Variants in CEMIP observed in about 807,000 individuals in gnomAD.
CEMIP encodes cell migration-inducing and hyaluronan-binding protein.
CEMIP carries 105 observed loss-of-function variants against 156.9 expected under a neutral mutation model. That is an observed-to-expected ratio of 0.67 (90% CI 0.57 to 0.79). CEMIP has a LOEUF of 0.79. Ranked by LOEUF, CEMIP falls within the 30% of genes least tolerant of loss-of-function variation. The pLI, the probability that CEMIP is intolerant of heterozygous loss-of-function variation, is 0.00. For synonymous variants in CEMIP, 676 were observed against 668.4 expected (o/e 1.01, Z -0.17); for missense variants, 1,457 against 1,769.4 (o/e 0.82, Z 3.17).
intron 14 of CEMIP, among the ~76,000 whole-genome samples, chr15:80,910,288 C>T (rs1342520141): frequency 6.6e-6 from 1 of 152,228 alleles, no homozygotes; most frequent in African/African-American, 2.4e-5. Flanking sequence ...AGAGTCAAGG[C>T]TGCCTCCCCT....
chr15:80,877,851 A>G (rs1386063923), intron 3 of CEMIP, among the ~76,000 whole-genome samples: 2 of 152,256 alleles, frequency 1.3e-5, no homozygotes, highest in Non-Finnish European at 2.9e-5. Flanking sequence ...TGGAAAATAT[A>G]GAATAGGAAA....
Position 80,937,801 on chromosome 15 carries a change from T to G in CEMIP, c.3229T>G (p.Trp1077Gly). 1 of 1,614,234 alleles carries G rather than the reference T, an allele frequency of 6.2e-7. No homozygotes were observed. The highest frequency in any genetic ancestry group is 2.2e-5 in the East Asian group (1 of 44,888). Residue 1077 changes from tryptophan to glycine, a missense_variant, in exon 25 of 30, where the codon TGG (tryptophan) becomes GGG (glycine). Around this residue, in one of 5 missense-constraint regions of CEMIP, gnomAD observed 798 missense variants for 980.1 expected, o/e 0.81. Coordinates refer to ENST00000394685, the MANE Select transcript of CEMIP (RefSeq NM_001293298.2). ...IWLINFNKGD[W>G]IRVGLCYPRG... ...CTCTACTTCCAATCCTAGGGGCGAC[T>G]GGATCCGAGTGGGGCTCTGCTACCC...
rs985273332 is a variant in CEMIP, at chr15:80,942,794, G to GCTA, written c.3700-149_3700-147dup. The GCTA allele has an allele frequency of 7.1e-5, 64 of 902,288 alleles. No homozygotes were observed. The African/African-American group carries it at 1.0e-3, about 14-fold the overall frequency. The allele number at this position is 902,288 out of a possible 1,614,324, so 55.9% of individuals were successfully genotyped here. ...GCCACTATTTGACCCACTACTGAGGGCTACGAGGAGTTAAGTGGATAATGG... is the reference window on the plus strand; with the variant it reads ...GCCACTATTTGACCCACTACTGAGGGCTACTACGAGGAGTTAAGTGGATAATGG... On this transcript the variant is annotated intron_variant, in intron 27 of 29. Coordinates refer to ENST00000394685, the MANE Select transcript of CEMIP (RefSeq NM_001293298.2).
intron 14 of CEMIP, among the ~76,000 whole-genome samples, chr15:80,910,068 G>A (rs868232483): frequency 1.3e-5 from 2 of 152,344 alleles, no homozygotes; most frequent in Middle Eastern, 3.4e-3. Context: ...AAAACCGGAT[G>A]TCACAGAATG....
At chr15:80,905,541 G>A (rs1338984695) in intron 12 of CEMIP, among the ~76,000 whole-genome samples, 1 of 152,208 alleles carries the variant, frequency 6.6e-6, no homozygotes, top group African/African-American at 2.4e-5. Flanking sequence ...TTTGGCAAGA[G>A]ATTGAGTGGA....
chr15:80,890,253 T>C (rs12900140), intron 10 of CEMIP, among the ~76,000 whole-genome samples: 46,088 of 151,876 alleles, frequency 0.3, 8,665 homozygotes, highest in Non-Finnish European at 0.44. Flanking sequence ...CAAGACAAGA[T>C]TTGAGGCTGC....
At chr15:80,900,585 G>GGGGGT (rs1218716074) in intron 12 of CEMIP, among the ~76,000 whole-genome samples, 1 of 74,932 alleles carries the variant, frequency 1.3e-5, no homozygotes, top group Non-Finnish European at 2.5e-5. Context: ...CCCAGGTAGG[G>GGGGGT]GTGTGTGTGT....
At chr15:80,817,987 GTATGA>G (rs1036701943) in intron 1 of CEMIP, among the ~76,000 whole-genome samples, 1 of 152,100 alleles carries the variant, frequency 6.6e-6, no homozygotes, top group African/African-American at 2.4e-5. Context: ...CATCTTATTT[GTATGA>G]TGTAGATAAT....
intron 1 of CEMIP, among the ~76,000 whole-genome samples, chr15:80,868,524 G>T (rs967662859): frequency 1.3e-5 from 2 of 152,194 alleles, no homozygotes; most frequent in African/African-American, 4.8e-5. Context: ...TGGGGAAACA[G>T]GTGCACGCTG....
intron 1 of CEMIP, among the ~76,000 whole-genome samples, chr15:80,826,770 A>T (rs1007323195): frequency 2.0e-5 from 3 of 152,208 alleles, no homozygotes; most frequent in African/African-American, 7.2e-5. Context: ...TAACTGTGGC[A>T]TTCATGCTTC....
At chr15:80,850,083 G>T (rs1410997923) in intron 1 of CEMIP, among the ~76,000 whole-genome samples, 11 of 152,212 alleles carry the variant, frequency 7.2e-5, no homozygotes, top group Non-Finnish European at 1.5e-4. Flanking sequence ...GGTGTTCAGG[G>T]AGAGGAGGCT....
intron 14 of CEMIP, among the ~76,000 whole-genome samples, chr15:80,913,366 G>A (rs1258269164): frequency 6.6e-6 from 1 of 152,154 alleles, no homozygotes; most frequent in Non-Finnish European, 1.5e-5. Context: ...CATTCAAAAT[G>A]TCACCACCAA....
intron 1 of CEMIP, among the ~76,000 whole-genome samples, chr15:80,815,572 CCTT>C (rs1263728481): frequency 6.6e-6 from 1 of 151,864 alleles, no homozygotes; most frequent in African/African-American, 2.4e-5. Context: ...TTCTTTCTTT[CCTT>C]CTTCTTTCCT....
chr15:80,947,010 C>T lies in CEMIP; in HGVS notation c.3903C>T (p.Gly1301=). The stretch of plus-strand genomic sequence containing the variant: ...CAAAGGGAAGATACGTCTCCAGAGG[C>T]CCATGGACCAGAGTGCTGGAAAAGC... ...MASKGRYVSR[G]PWTRVLEKLG... The change falls in exon 29 of 30, where the codon GGC becomes GGT. Residue 1301 remains glycine, a synonymous_variant. Coordinates refer to ENST00000394685, the MANE Select transcript of CEMIP (RefSeq NM_001293298.2). 1 of 1,614,066 alleles carries T rather than the reference C, an allele frequency of 6.2e-7. No individual in the cohort carries two copies.
At chr15:80,823,115 T>G (rs575245967) in intron 1 of CEMIP, among the ~76,000 whole-genome samples, 4 of 152,298 alleles carry the variant, frequency 2.6e-5, no homozygotes, top group Admixed American at 6.5e-5. Flanking sequence ...AAGATTTAAA[T>G]GGGAGAGAAC....
chr15:80,898,810 T>C (rs1899338297), intron 12 of CEMIP, among the ~76,000 whole-genome samples: 1 of 152,236 alleles, frequency 6.6e-6, no homozygotes, highest in East Asian at 1.9e-4. Flanking sequence ...TCTGTCAGTG[T>C]GCATGTTGCA....
Position 80,897,327 on chromosome 15 carries a change from C to T in CEMIP, c.1411+1267C>T, listed in dbSNP as rs542270417. The T allele has an allele frequency of 4.4e-4, 200 of 455,990 alleles. 2 individuals carry two copies. Among genetic ancestry groups the T allele is most frequent in the African/African-American group, 3.8e-3 (191 of 50,154 alleles). 28.2% of individuals were successfully genotyped at this position (455,990 alleles called of 1,614,324 possible). ...AATCTTTTTGGCTGCCTGAGATGTG[C>T]TTGTGGAAGAATCTGTGGAGGCAAA... On this transcript the variant is annotated intron_variant, in intron 12 of 29. Transcript: ENST00000394685.
At chr15:80,877,290 C>T (rs1006347880) in intron 3 of CEMIP, among the ~76,000 whole-genome samples, 1 of 152,162 alleles carries the variant, frequency 6.6e-6, no homozygotes, top group Non-Finnish European at 1.5e-5. Flanking sequence ...GCTCAAGAGA[C>T]ACCTTCTTTG....
chr15:80,784,566 G>C (rs1040731673), intron 1 of CEMIP, among the ~76,000 whole-genome samples: 5 of 152,220 alleles, frequency 3.3e-5, no homozygotes, highest in African/African-American at 1.2e-4. Flanking sequence ...GGAACCATTG[G>C]AGTGTTCCTT....
Sources: allele counts gnomAD v4.1 joint callset (sites outside exome capture counted in the v4.1 genomes callset), GRCh38; gene constraint gnomAD v4.1.1; regional missense constraint gnomAD v4.1.1; transcripts MANE v1.5; gene names NCBI Gene and HGNC (gene_info 2026-07-23, HGNC 2026-07-21).